CYREN: variants seen among roughly 807,000 people sequenced by gnomAD.
The protein encoded by CYREN is cell cycle regulator of non-homologous end joining.
CYREN carries 7 observed loss-of-function variants against 9.7 expected under a neutral mutation model. The ratio of observed to expected loss-of-function variants is 0.72; its 90% CI spans 0.41 to 1.36. The LOEUF is 1.36. Among genes scored for constraint, CYREN ranks in the 40% most tolerant of loss-of-function variants. CYREN has a pLI of 0.01. For missense variants in CYREN, 215 were observed against 198.1 expected (o/e 1.09, Z -0.51); for synonymous variants, 76 against 77.9 (o/e 0.98, Z 0.13).
At chr7:135,168,483 G>T in intron 2 of CYREN, 1 of 451,238 alleles carries the variant, frequency 2.2e-6, no homozygotes, top group Non-Finnish European at 3.9e-6. Context: ...TGTTGTAAAG[G>T]AAGAGACTGG....
At chr7:135,120,011 G>A (rs1826916951) in intron 2 of CYREN, among the ~76,000 whole-genome samples, 1 of 152,170 alleles carries the variant, frequency 6.6e-6, no homozygotes, top group African/African-American at 2.4e-5. Flanking sequence ...GGAAGAAATT[G>A]TCAACTTAGA....
At chr7:135,170,879 TGGTAATGCCGCCG>T (rs879293684), upstream of CYREN, 4 of 151,484 alleles carry the variant, frequency 2.6e-5, no homozygotes, top group Non-Finnish European at 5.9e-5. Context: ...ATGCTGGCAG[TGGTAATGCCGCCG>T]GCTGGCATCC....
chr7:135,118,794 T>G (rs896425571), intron 2 of CYREN, among the ~76,000 whole-genome samples: 3 of 151,920 alleles, frequency 2.0e-5, no homozygotes, highest in Non-Finnish European at 4.4e-5. Context: ...AATAAAAAAA[T>G]AGCCTCAGCA....
At chr7:135,118,837 T>C (rs568630824) in intron 2 of CYREN, among the ~76,000 whole-genome samples, 55 of 152,058 alleles carry the variant, frequency 3.6e-4, no homozygotes, top group Non-Finnish European at 5.4e-4. Flanking sequence ...AAGAACCAAA[T>C]AGAAATTTTT....
chr7:135,125,994 T>C (rs1001173600), intron 2 of CYREN, among the ~76,000 whole-genome samples: 3 of 152,128 alleles, frequency 2.0e-5, no homozygotes, highest in Non-Finnish European at 4.4e-5. Context: ...AAGACAAGGA[T>C]GCCCTCTCTC....
rs531072407 is a variant in CYREN at position 135,140,622 on chromosome 7, C to T, written n.356+28127G>A. On this transcript the variant is annotated intron_variant and non_coding_transcript_variant, in intron 2 of 2. Transcript: ENST00000459937. ...GTTGAGTAGCAGTGGTGCAAGTGGA[C>T]ATCCTTGTTTTGTGCCCATTTTCAA... Among the ~76,000 whole-genome samples, 4 of 152,196 alleles carry T rather than the reference C, an allele frequency of 2.6e-5. No homozygotes were observed. In the East Asian group the frequency reaches 7.7e-4, roughly 29 times the overall value.
chr7:135,112,081 G>A (rs1825719019), intron 2 of CYREN, among the ~76,000 whole-genome samples: 1 of 152,054 alleles, frequency 6.6e-6, no homozygotes, highest in Non-Finnish European at 1.5e-5. Context: ...CTGTTTTTTG[G>A]TCTTTAATAA....
At chr7:135,098,123 C>G (rs938983654) in intron 2 of CYREN, among the ~76,000 whole-genome samples, 8 of 152,068 alleles carry the variant, frequency 5.3e-5, no homozygotes, top group Non-Finnish European at 1.2e-4. Flanking sequence ...TCTACAGATA[C>G]AAAGTGAGTG....
chr7:135,159,543 G>GT (rs1356104359), intron 2 of CYREN, among the ~76,000 whole-genome samples: 1 of 152,180 alleles, frequency 6.6e-6, no homozygotes, highest in Admixed American at 6.5e-5. Context: ...TGCTCAGGCT[G>GT]TAACTCTTGA....
chr7:135,167,422 CA>C (rs1830242872), intron 3 of CYREN: 5 of 1,186,610 alleles, frequency 4.2e-6, no homozygotes, highest in Non-Finnish European at 3.1e-6. Context: ...TCCAAGAACA[CA>C]AACAGGTAAA....
downstream of CYREN, chr7:135,164,817 C>T: frequency 1.2e-6 from 2 of 1,614,080 alleles, no homozygotes; most frequent in Admixed American, 1.7e-5. Context: ...GTCCTCTGTG[C>T]TGCTGGCAGG....
intron 3 of CYREN, chr7:135,167,390 C>T (rs1287422936): frequency 1.8e-6 from 2 of 1,136,858 alleles, no homozygotes; most frequent in African/African-American, 3.2e-5. Context: ...GCTAAGAAGT[C>T]ATCTACCCAA....
intron 2 of CYREN, among the ~76,000 whole-genome samples, chr7:135,158,296 C>T (rs1413261191): frequency 6.6e-6 from 1 of 152,240 alleles, no homozygotes; most frequent in African/African-American, 2.4e-5. Context: ...GTGCATAGGA[C>T]AGCCTGATTT....
At position 135,107,982 on chromosome 7, in the gene CYREN, T is replaced by G. The variant is rs541735650; in HGVS notation, n.357-13400A>C. ...CATTATGTAATGTCTTTATCTTTTT[T>G]TTTTATCTTTGTTGATTTAAAGTCT... is the stretch of plus-strand genomic sequence containing the variant. On this transcript the variant is annotated intron_variant and non_coding_transcript_variant, in intron 2 of 2. Coordinates refer to the CYREN transcript ENST00000459937. Among the ~76,000 whole-genome samples, 193 of 152,292 alleles carry G rather than the reference T, an allele frequency of 1.3e-3. 3 individuals are homozygous for G. The highest frequency in any genetic ancestry group is 4.6e-3 in the African/African-American group (191 of 41,550).
chr7:135,170,051 T>C (rs1191295593), intron 1 of CYREN, among the ~76,000 whole-genome samples: 1 of 152,268 alleles, frequency 6.6e-6, no homozygotes, highest in Non-Finnish European at 1.5e-5. Context: ...CGGACAAATT[T>C]AGTTCACCCT....
intron 2 of CYREN, among the ~76,000 whole-genome samples, chr7:135,127,182 G>T (rs1827996981): frequency 6.6e-6 from 1 of 151,632 alleles, no homozygotes; most frequent in Non-Finnish European, 1.5e-5. Flanking sequence ...GAAAAAAACA[G>T]ACAACCCCAT....
intron 2 of CYREN, chr7:135,115,730 C>T: frequency 1.2e-6 from 1 of 819,592 alleles, no homozygotes; most frequent in East Asian, 2.7e-5. Flanking sequence ...ATGTCAGCTC[C>T]ATCACATTTG....
chr7:135,098,995 T>G (rs1442863654), intron 2 of CYREN, among the ~76,000 whole-genome samples: 1 of 152,224 alleles, frequency 6.6e-6, no homozygotes, highest in Non-Finnish European at 1.5e-5. Context: ...TCTGTTCTAC[T>G]ATTACTACTA....
rs1040578666 is a variant in CYREN at position 135,095,735 on chromosome 7, C to A, written n.357-1153G>T. On this transcript the variant is annotated intron_variant and non_coding_transcript_variant, in intron 2 of 2. Transcript: ENST00000459937. The stretch of plus-strand genomic sequence containing the variant: ...TCACTGTCACTTTTTTTCCCCTTGA[C>A]TGCTGATGTTGGCAACCATGATTTT... 4.6e-5 allele frequency among the ~76,000 whole-genome samples: 7 copies of A among 152,142 alleles called. 1 individual carries two copies. The highest frequency in any genetic ancestry group is 3.3e-4 in the Admixed American group (5 of 15,276).
Sources: gnomAD v4.1 joint callset for allele counts (sites outside exome capture counted in the v4.1 genomes callset) on GRCh38, gnomAD v4.1.1 for gene constraint, MANE v1.5 for transcripts, NCBI Gene and HGNC (gene_info 2026-07-23, HGNC 2026-07-21) for gene names.